The following LYPD6B variants were observed in gnomAD, a reference collection of about 807,000 sequenced individuals.
LYPD6B encodes the protein LY6/PLAUR domain containing 6B, also known as ly6/PLAUR domain-containing protein 6B.
Under a neutral mutation model 22.8 loss-of-function variants are expected in LYPD6B, and 17 were observed. The observed-to-expected ratio is 0.75, with a 90% confidence interval of 0.51 to 1.12. The LOEUF is 1.12. Ranked by LOEUF, LYPD6B falls within the 50% of genes most tolerant of loss-of-function variation. LYPD6B has a pLI of 0.00. For synonymous variants in LYPD6B, 106 were observed against 91.6 expected (o/e 1.16, Z -0.90); for missense variants, 221 against 258.3 (o/e 0.86, Z 0.99).
At chr2:149,144,246 A>G (rs999276600) in intron 2 of LYPD6B, among the ~76,000 whole-genome samples, 3 of 152,212 alleles carry the variant, frequency 2.0e-5, no homozygotes, top group Admixed American at 6.5e-5. Context: ...TGTATGGCCT[A>G]CAAGCTCAGA....
intron 1 of LYPD6B, among the ~76,000 whole-genome samples, chr2:149,087,731 C>T (rs996499020): frequency 1.3e-5 from 2 of 152,156 alleles, no homozygotes; most frequent in Admixed American, 1.3e-4. Context: ...ATTCTATAGC[C>T]TCTCAGCCTA....
intron 2 of LYPD6B, among the ~76,000 whole-genome samples, chr2:149,146,370 T>G (rs913667053): frequency 2.0e-5 from 3 of 151,184 alleles, no homozygotes; most frequent in Non-Finnish European, 4.4e-5. Flanking sequence ...AGGGGCACTG[T>G]AGGGGGGGAT....
intron 1 of LYPD6B, among the ~76,000 whole-genome samples, chr2:149,083,789 A>G (rs1007990709): frequency 6.6e-6 from 1 of 152,138 alleles, no homozygotes; most frequent in African/African-American, 2.4e-5. Flanking sequence ...GTAGAAGTAC[A>G]CTTTAGGCCG....
chr2:149,213,319 C>T (rs1475358149), intron 6 of LYPD6B, among the ~76,000 whole-genome samples, 197 bp downstream of exon 6: 1 of 142,554 alleles, frequency 7.0e-6, no homozygotes, highest in Non-Finnish European at 1.6e-5. Context: ...ACAGAGACTC[C>T]ATACAAAGAT....
chr2:149,095,823 A>G (rs1457517670), intron 1 of LYPD6B, among the ~76,000 whole-genome samples: 4 of 151,990 alleles, frequency 2.6e-5, no homozygotes, highest in Non-Finnish European at 5.9e-5. Context: ...AGAGGGAGAT[A>G]GGAGACAAGA....
rs189173117 is a variant in LYPD6B, at chr2:149,181,708, T to G, written c.77+20873T>G. ...ATTTTCCTATCATACCCTGTTTTCC[T>G]TCTAATACACTTCCTTCTAATACAT... On this transcript the variant is annotated intron_variant, in intron 3 of 6. Transcript: ENST00000409642. 2.7e-3 allele frequency among the ~76,000 whole-genome samples: 407 copies of G among 152,358 alleles called. 2 individuals carry two copies. The highest frequency in any genetic ancestry group is 0.01 in the Middle Eastern group (3 of 294).
intron 2 of LYPD6B, chr2:149,143,718 A>G (rs1383412323): frequency 6.6e-6 from 1 of 152,206 alleles, no homozygotes; most frequent in Non-Finnish European, 1.5e-5. Context: ...TGCAATTATA[A>G]CTAATTAAAT....
intron 3 of LYPD6B, among the ~76,000 whole-genome samples, chr2:149,189,594 T>C (rs1692365169): frequency 6.6e-6 from 1 of 151,810 alleles, no homozygotes; most frequent in South Asian, 2.1e-4. Context: ...TGTTGGTCTG[T>C]AGAGTAAGGG....
chr2:149,125,344 C>T (rs888594662), intron 1 of LYPD6B, among the ~76,000 whole-genome samples: 1 of 152,130 alleles, frequency 6.6e-6, no homozygotes, highest in Admixed American at 6.5e-5. Flanking sequence ...AAAGTTTAAG[C>T]TGCCAAAACA....
intron 1 of LYPD6B, among the ~76,000 whole-genome samples, chr2:149,107,279 A>G (rs1226255611): frequency 6.6e-6 from 1 of 152,234 alleles, no homozygotes; most frequent in Non-Finnish European, 1.5e-5. Flanking sequence ...GGTAGTATAC[A>G]CAGTGTGGAT....
At chr2:149,073,369 A>G (rs1574917073) in intron 1 of LYPD6B, among the ~76,000 whole-genome samples, 1 of 152,124 alleles carries the variant, frequency 6.6e-6, no homozygotes, top group South Asian at 2.1e-4. Flanking sequence ...GCCCTGAATG[A>G]CACCCTTGTT....
intron 1 of LYPD6B, among the ~76,000 whole-genome samples, chr2:149,097,884 TG>T: frequency 6.6e-6 from 1 of 152,306 alleles, no homozygotes. Flanking sequence ...GGGGTATTTT[TG>T]TCATTCCATC....
chr2:149,193,464 TA>T (rs1413084506), intron 3 of LYPD6B, among the ~76,000 whole-genome samples: 1 of 152,192 alleles, frequency 6.6e-6, no homozygotes, highest in African/African-American at 2.4e-5. Flanking sequence ...ACTTCTTTTT[TA>T]AACACTTTTT....
At chr2:149,142,599 T>C (rs562023227) in intron 2 of LYPD6B, among the ~76,000 whole-genome samples, 1 of 152,260 alleles carries the variant, frequency 6.6e-6, no homozygotes, top group Non-Finnish European at 1.5e-5. Flanking sequence ...CTTTCTTTTG[T>C]GTGTGTTGTA....
intron 1 of LYPD6B, among the ~76,000 whole-genome samples, chr2:149,042,011 G>A (rs1039453204): frequency 1.3e-5 from 2 of 152,266 alleles, no homozygotes; most frequent in Admixed American, 1.3e-4. Flanking sequence ...ATATGATTTT[G>A]CTGGGCACCC....
At chr2:149,211,387 A>T (rs941386950) in intron 5 of LYPD6B, among the ~76,000 whole-genome samples, 3 of 152,148 alleles carry the variant, frequency 2.0e-5, no homozygotes, top group Admixed American at 6.5e-5. Context: ...TTAGAATCCT[A>T]CTTTTCACCA....
chr2:149,121,649 T>C (rs2105610068), intron 1 of LYPD6B, among the ~76,000 whole-genome samples: 1 of 152,290 alleles, frequency 6.6e-6, no homozygotes, highest in South Asian at 2.1e-4. Context: ...TGAGGGCTCA[T>C]AGCCAGTCCT....
chr2:149,090,905 A>C (rs1344845949), intron 1 of LYPD6B, among the ~76,000 whole-genome samples: 3 of 152,206 alleles, frequency 2.0e-5, no homozygotes, highest in Non-Finnish European at 4.4e-5. Context: ...GAGCTACAAC[A>C]GTGATTCACA....
At chr2:149,077,746 C>T (rs1449326958) in intron 1 of LYPD6B, 2 of 152,196 alleles carry the variant, frequency 1.3e-5, no homozygotes, top group Non-Finnish European at 2.9e-5. Context: ...CACAGTGAGC[C>T]AGCTCTGATT....
Sources: allele counts gnomAD v4.1 joint callset (sites outside exome capture counted in the v4.1 genomes callset), GRCh38; gene constraint gnomAD v4.1.1; transcripts MANE v1.5; gene names NCBI Gene and HGNC (gene_info 2026-07-23, HGNC 2026-07-21).